Variants in GPHN observed in about 807,000 individuals in gnomAD.
GPHN encodes gephyrin.
A neutral mutation model predicts 95.5 loss-of-function variants in GPHN; 17 were observed. That is an observed-to-expected ratio of 0.18 (90% CI 0.12 to 0.27). The LOEUF is 0.27. GPHN is among the 10% of genes least tolerant of loss of function. The pLI, the probability that GPHN is intolerant of heterozygous loss-of-function variation, is 1.00. For missense variants in GPHN, 660 were observed against 978.1 expected, an observed-to-expected ratio of 0.67 and a Z score of 4.34; for synonymous variants, 320 against 322.5, an observed-to-expected ratio of 0.99 and a Z score of 0.08.
chr14:67,144,111 G>A (rs554375056), intron 18 of GPHN, among the ~76,000 whole-genome samples: 92 of 149,594 alleles, frequency 6.1e-4, no homozygotes, highest in African/African-American at 2.0e-3. Flanking sequence ...GGTGGCACGC[G>A]CCTGCAGTTC....
At chr14:66,839,526 T>A (rs1263662765) in intron 4 of GPHN, among the ~76,000 whole-genome samples, 2 of 152,198 alleles carry the variant, frequency 1.3e-5, no homozygotes, top group African/African-American at 4.8e-5. Flanking sequence ...TTTTACAAAA[T>A]TTTTTAAATA....
intron 11 of GPHN, among the ~76,000 whole-genome samples, chr14:67,061,821 A>G (rs1938232925): frequency 1.3e-5 from 2 of 152,058 alleles, no homozygotes; most frequent in African/African-American, 4.8e-5. Flanking sequence ...CCCTTTGCTT[A>G]TATAGTTTTT....
the GPHN span, chr14:67,663,319 T>G: frequency 1.6e-6 from 1 of 629,156 alleles, no homozygotes; most frequent in Non-Finnish European, 2.6e-6. Flanking sequence ...CAAGTTTCAT[T>G]TTTAAATAAC....
At chr14:66,865,535 T>C (rs1178687519) in intron 4 of GPHN, among the ~76,000 whole-genome samples, 1 of 152,200 alleles carries the variant, frequency 6.6e-6, no homozygotes, top group Non-Finnish European at 1.5e-5. Context: ...TAACATACTC[T>C]TCATAGAGAT....
chr14:67,461,448 A>G, the GPHN span, among the ~76,000 whole-genome samples: 1 of 152,190 alleles, frequency 6.6e-6, no homozygotes, highest in African/African-American at 2.4e-5. Context: ...CATTCCAGAA[A>G]GGCTGAGAAA....
the GPHN span, among the ~76,000 whole-genome samples, chr14:67,684,208 ATCTG>A: frequency 6.6e-6 from 1 of 152,286 alleles, no homozygotes; most frequent in South Asian, 2.1e-4. Flanking sequence ...GCCTCTCATA[ATCTG>A]TCTGCCTTTC....
At chr14:67,687,293 T>C in the GPHN span, among the ~76,000 whole-genome samples, 2 of 152,148 alleles carry the variant, frequency 1.3e-5, no homozygotes, top group African/African-American at 4.8e-5. Context: ...CTAAAATCCT[T>C]ACTGTGGCCT....
chr14:67,347,573 CTCA>C, the GPHN span: 1 of 788,808 alleles, frequency 1.3e-6, no homozygotes, highest in Non-Finnish European at 2.1e-6. Context: ...GTGATCTCGC[CTCA>C]CCGCAACCTC....
intron 11 of GPHN, among the ~76,000 whole-genome samples, chr14:67,062,566 T>C (rs922758814): frequency 5.3e-5 from 8 of 151,972 alleles, no homozygotes; most frequent in African/African-American, 1.9e-4. Context: ...CTGAAAGTGA[T>C]TGTTGTGAAG....
At chr14:67,357,184 G>A in the GPHN span, among the ~76,000 whole-genome samples, 9 of 152,184 alleles carry the variant, frequency 5.9e-5, no homozygotes, top group Non-Finnish European at 8.8e-5. Context: ...TCTCTGGTAC[G>A]AAAGTGGGTG....
chr14:66,933,008 G>A (rs1355766093), intron 8 of GPHN, among the ~76,000 whole-genome samples: 1 of 152,172 alleles, frequency 6.6e-6, no homozygotes, highest in Non-Finnish European at 1.5e-5. Context: ...TTCTCATATA[G>A]CATCAGTGAA....
intron 2 of GPHN, among the ~76,000 whole-genome samples, chr14:66,726,197 C>T (rs932971623): frequency 3.9e-5 from 6 of 152,184 alleles, no homozygotes; most frequent in African/African-American, 1.2e-4. Flanking sequence ...AATAAAAATA[C>T]ACTATTTATA....
the GPHN span, among the ~76,000 whole-genome samples, chr14:67,462,948 T>G: frequency 2.6e-5 from 4 of 152,252 alleles, no homozygotes; most frequent in Admixed American, 2.0e-4. Context: ...GTAAGGATGC[T>G]GTAAGCTTCC....
the GPHN span, among the ~76,000 whole-genome samples, chr14:67,486,487 A>T: frequency 0.016 from 2,363 of 152,252 alleles, 58 homozygotes; most frequent in Admixed American, 0.062. Flanking sequence ...GTTGGCCAGG[A>T]TGGTCTCAAT....
the GPHN span, chr14:67,724,614 C>T: frequency 6.5e-7 from 1 of 1,537,706 alleles, no homozygotes. Flanking sequence ...CCTTTAGTCT[C>T]CAAAGGGCCA....
chr14:66,822,411 C>G (rs2061233548), intron 3 of GPHN, among the ~76,000 whole-genome samples: 1 of 152,176 alleles, frequency 6.6e-6, no homozygotes, highest in Admixed American at 6.5e-5. Context: ...AGTCAGTGCC[C>G]AGGCTATACC....
intron 1 of GPHN, among the ~76,000 whole-genome samples, chr14:66,618,370 G>T (rs1037146026): frequency 2.0e-5 from 3 of 152,028 alleles, no homozygotes; most frequent in East Asian, 1.9e-4. Flanking sequence ...GAGCTACTGC[G>T]CCCGGCCGAG....
chr14:67,404,649 A>C, the GPHN span, among the ~76,000 whole-genome samples: 1 of 151,752 alleles, frequency 6.6e-6, no homozygotes, highest in Admixed American at 6.6e-5. Context: ...GTCTCTACAA[A>C]TAATAAAAAA....
intron 12 of GPHN, among the ~76,000 whole-genome samples, chr14:67,091,763 A>G (rs1172957655): frequency 6.6e-6 from 1 of 151,688 alleles, no homozygotes; most frequent in Non-Finnish European, 1.5e-5. Flanking sequence ...CTTTTCTGAC[A>G]CTGTACAACT....
Sources: allele counts gnomAD v4.1 joint callset (sites outside exome capture counted in the v4.1 genomes callset), GRCh38; gene constraint gnomAD v4.1.1; transcripts MANE v1.5; gene names NCBI Gene and HGNC (gene_info 2026-07-23, HGNC 2026-07-21).